Variants in ADAMTS14 observed in about 807,000 individuals in gnomAD.
ADAMTS14 encodes ADAM metallopeptidase with thrombospondin type 1 motif 14, also known as A disintegrin and metalloproteinase with thrombospondin motifs 14.
ADAMTS14 carries 100 observed loss-of-function variants against 128.6 expected under a neutral mutation model. That is an observed-to-expected ratio of 0.78 (90% CI 0.66 to 0.92). The LOEUF is 0.92. Among genes scored for constraint, ADAMTS14 ranks in the 40% least tolerant of loss-of-function variants. The probability of loss-of-function intolerance (pLI) is 0.00; values close to 1 mark genes in which losing one functional copy is unlikely to be tolerated. For missense variants in ADAMTS14, 1,562 were observed against 1,658.6 expected (o/e 0.94, Z 1.01); for synonymous variants, 665 against 653.8 (o/e 1.02, Z -0.26).
chr10:70,754,083 G>A lies in ADAMTS14; in HGVS notation c.2937+76G>A. On this transcript the variant is annotated intron_variant, in intron 19 of 21. Coordinates refer to ENST00000373207, the MANE Select transcript of ADAMTS14 (RefSeq NM_080722.4). The stretch of plus-strand genomic sequence containing the variant: ...GGGATTTTTTTGGTGTTCCCTGCAG[G>A]CAAGAGAGTTTCTGCCTGAATGGCT... The A allele has an allele frequency of 3.0e-6, 4 of 1,355,334 alleles. 1 individual carries two copies. In the South Asian group the frequency reaches 5.8e-5, roughly 20 times the overall value. 84.0% of individuals were successfully genotyped at this position (1,355,334 alleles called of 1,614,324 possible).
chr10:70,685,792 T>C (rs554830903), intron 2 of ADAMTS14, among the ~76,000 whole-genome samples: 2 of 152,304 alleles, frequency 1.3e-5, no homozygotes, highest in East Asian at 3.9e-4. Flanking sequence ...GAATGATTAA[T>C]GCTAAAAGTG....
At chr10:70,682,916 C>T (rs11816645) in intron 2 of ADAMTS14, among the ~76,000 whole-genome samples, 40,924 of 152,142 alleles carry the variant, frequency 0.27, 5,734 homozygotes, top group Middle Eastern at 0.35. Flanking sequence ...ACCTATGTGT[C>T]CTCATGACCC....
rs563546901 is a variant in ADAMTS14, at chr10:70,738,880, G to A, written c.1638G>A (p.Glu546=). ...FKGHCIWKSP[E]QTYGQDGGWS... Reference sequence around the variant, plus strand: ...GTCACTGCATCTGGAAGTCGCCGGAGCAGACATATGGCCAGGATGGAGGCT... The same window carrying A: ...GTCACTGCATCTGGAAGTCGCCGGAACAGACATATGGCCAGGATGGAGGCT... Residue 546 remains glutamate, a synonymous_variant, in exon 11 of 22, where the codon GAG becomes GAA. Transcript: ENST00000373207. The A allele has an allele frequency of 3.6e-4, 574 of 1,614,166 alleles. 7 individuals carry two copies. The Admixed American group carries it at 9.5e-3, about 27-fold the overall frequency.
chr10:70,694,918 G>T (rs1197374454), intron 2 of ADAMTS14, among the ~76,000 whole-genome samples: 1 of 152,154 alleles, frequency 6.6e-6, no homozygotes, highest in Non-Finnish European at 1.5e-5. Flanking sequence ...TGGATCATGT[G>T]GTAATGCTGT....
intron 4 of ADAMTS14, among the ~76,000 whole-genome samples, chr10:70,724,710 G>A (rs1022579159): frequency 1.3e-5 from 2 of 152,232 alleles, no homozygotes; most frequent in Non-Finnish European, 2.9e-5. Context: ...GATGGCAGGG[G>A]TGTGTGCAGA....
intron 4 of ADAMTS14, among the ~76,000 whole-genome samples, chr10:70,723,037 G>A (rs1171935032): frequency 6.6e-6 from 1 of 152,180 alleles, no homozygotes; most frequent in African/African-American, 2.4e-5. Flanking sequence ...GCTGGGTGAT[G>A]AAGGCCAACA....
At chr10:70,756,163 C>A (rs1395575805) in intron 19 of ADAMTS14, among the ~76,000 whole-genome samples, 1 of 152,182 alleles carries the variant, frequency 6.6e-6, no homozygotes, top group African/African-American at 2.4e-5. Context: ...GATGTCATTT[C>A]CTTAATGTTT....
chr10:70,726,791 C>A (rs530683163), intron 4 of ADAMTS14, among the ~76,000 whole-genome samples: 9 of 152,096 alleles, frequency 5.9e-5, no homozygotes, highest in African/African-American at 2.2e-4. Context: ...CCTACTCCAC[C>A]CTGAAGTCCC....
In ADAMTS14 at chr10:70,740,978, C is replaced by T; in HGVS notation, c.1749-9C>T. 1 of 1,612,932 alleles carries T rather than the reference C, an allele frequency of 6.2e-7. No homozygotes were observed. The highest frequency in any genetic ancestry group is 1.3e-5 in the African/African-American group (1 of 75,042). On this transcript the variant is annotated splice_polypyrimidine_tract_variant and intron_variant, in intron 11 of 21. Transcript: ENST00000373207. Reference sequence around the variant, plus strand: ...AGCAAGGTCATCCATTTCTCTGTGTCTGTCCCAGCCCAGCCTATGGAGGCC... The same window carrying T: ...AGCAAGGTCATCCATTTCTCTGTGTTTGTCCCAGCCCAGCCTATGGAGGCC...
At chr10:70,704,332 G>A (rs573742539) in intron 3 of ADAMTS14, among the ~76,000 whole-genome samples, 1 of 152,034 alleles carries the variant, frequency 6.6e-6, no homozygotes, top group Middle Eastern at 3.4e-3. Flanking sequence ...GCATGTGTGG[G>A]CCCACACACT....
At position 70,760,975 on chromosome 10, in the gene ADAMTS14, T is replaced by C. The variant is rs1157056875; in HGVS notation, c.*122T>C. ...AGACTTCATTTTAAATCATTCGCCT[T>C]CTTCTCGTTTGGGGCTGTGATGCTC... On this transcript the variant is annotated 3_prime_UTR_variant, in exon 22 of 22. Coordinates refer to ENST00000373207, the MANE Select transcript of ADAMTS14 (RefSeq NM_080722.4). The C allele has an allele frequency of 2.2e-6, 3 of 1,345,780 alleles. No individual in the cohort carries two copies. In the African/African-American group the frequency reaches 4.4e-5, roughly 20 times the overall value. 83.4% of individuals were successfully genotyped at this position (1,345,780 alleles called of 1,614,324 possible).
chr10:70,752,014 A>C, intron 17 of ADAMTS14, 81 bp from the exon 18 acceptor site: 2 of 1,543,274 alleles, frequency 1.3e-6, no homozygotes, highest in Non-Finnish European at 1.7e-6. Context: ...AAGGCTCTCC[A>C]CAGGTACTGC....
At chr10:70,718,207 T>A (rs1841116545) in intron 4 of ADAMTS14, among the ~76,000 whole-genome samples, 1 of 152,218 alleles carries the variant, frequency 6.6e-6, no homozygotes, top group Non-Finnish European at 1.5e-5. Flanking sequence ...GATGAAACTC[T>A]AAGGAGCTCA....
At chr10:70,675,064 T>G (rs1192480914) in intron 2 of ADAMTS14, 69 bp downstream of exon 2, 3 of 1,551,056 alleles carry the variant, frequency 1.9e-6, no homozygotes, top group Non-Finnish European at 8.7e-7. Context: ...GTTTTGAGAT[T>G]GCTATGGGCA....
chr10:70,757,799 C>G (rs1394461615), intron 19 of ADAMTS14, among the ~76,000 whole-genome samples, 163 bp from the exon 20 acceptor site: 1 of 152,210 alleles, frequency 6.6e-6, no homozygotes, highest in Non-Finnish European at 1.5e-5. Context: ...TCCTTAGAAG[C>G]AGTCCTTGCA....
At position 70,674,935 on chromosome 10, in the gene ADAMTS14, C is replaced by T. The variant is rs1839600752; in HGVS notation, c.462C>T (p.Tyr154=). Residue 154 remains tyrosine, a synonymous_variant, in exon 2 of 22, where the codon TAC becomes TAT. Transcript: ENST00000373207. The part of the protein sequence containing the change: ...FRQPLRQECV[Y]TGGVTGMPGA... Reference sequence around the variant, plus strand: ...AGCCCTTACGGCAGGAGTGTGTGTACACTGGAGGTGTCACTGGAATGCCTG... The same window carrying T: ...AGCCCTTACGGCAGGAGTGTGTGTATACTGGAGGTGTCACTGGAATGCCTG... 6.2e-7 allele frequency: 1 copy of T among 1,613,256 alleles called. No homozygotes were observed. Among genetic ancestry groups the T allele is most frequent in the Non-Finnish European group, 8.5e-7 (1 of 1,180,038 alleles).
chr10:70,714,548 C>T (rs1488985594), intron 4 of ADAMTS14, among the ~76,000 whole-genome samples: 3 of 152,148 alleles, frequency 2.0e-5, no homozygotes, highest in African/African-American at 4.8e-5. Context: ...TACTGGAGGG[C>T]TTGTGAGTTA....
intron 2 of ADAMTS14, among the ~76,000 whole-genome samples, chr10:70,688,957 A>G (rs1483662278): frequency 6.9e-6 from 1 of 144,824 alleles, no homozygotes; most frequent in Non-Finnish European, 1.5e-5. Context: ...CTGTCCAGAA[A>G]CAGCCTGCCA....
chr10:70,687,324 CG>C (rs1840004173), intron 2 of ADAMTS14, among the ~76,000 whole-genome samples: 1 of 92,624 alleles, frequency 1.1e-5, no homozygotes, highest in African/African-American at 3.6e-5. Context: ...GGCGGCTGGC[CG>C]GGCGGGGGGC....
Sources: gnomAD v4.1 joint callset for allele counts (sites outside exome capture counted in the v4.1 genomes callset) on GRCh38, gnomAD v4.1.1 for gene constraint, MANE v1.5 for transcripts, NCBI Gene and HGNC (gene_info 2026-07-23, HGNC 2026-07-21) for gene names.